Variants in CTU2 observed in about 807,000 individuals in gnomAD.
CTU2 encodes the protein cytoplasmic tRNA 2-thiolation protein 2.
In CTU2, 80 loss-of-function variants were observed where a neutral mutation model predicts 64.1. That is an observed-to-expected ratio of 1.25 (90% CI 1.04 to 1.50). CTU2 has a LOEUF of 1.50. Ranked by LOEUF, CTU2 falls within the 40% of genes most tolerant of loss-of-function variation. The pLI is 0.00. For synonymous variants in CTU2, 482 were observed against 285.3 expected, an observed-to-expected ratio of 1.69 and a Z score of -6.95; for missense variants, 1,110 against 690.2, an observed-to-expected ratio of 1.61 and a Z score of -6.81.
At chr16:88,714,005 G>A (rs1911623040) in intron 9 of CTU2, 131 bp from the exon 10 acceptor site, 2 of 1,080,084 alleles carry the variant, frequency 1.9e-6, no homozygotes, top group African/African-American at 1.6e-5. Context: ...TGGCTGCCTT[G>A]AGCAGTCGCA....
chr16:88,706,925 C>T, intron 1 of CTU2: 1 of 584,380 alleles, frequency 1.7e-6, no homozygotes, highest in Non-Finnish European at 3.0e-6. Flanking sequence ...TATGTGCCCC[C>T]TGAGCCGGCT....
Position 88,715,087 on chromosome 16 carries a change from G to T in CTU2, c.1459G>T (p.Ala487Ser). The T allele has an allele frequency of 6.3e-7, 1 of 1,578,730 alleles. No individual in the cohort carries two copies. Residue 487 changes from alanine to serine, a missense_variant, in exon 14 of 15, where the codon GCC (alanine) becomes TCC (serine). Transcript: ENST00000453996. Reference protein sequence around the residue: ...DPLPPYILAEAQLRTQRAWGL... With the variant: ...DPLPPYILAESQLRTQRAWGL... The stretch of plus-strand genomic sequence containing the variant: ...CCTGCCGCCGTACATCCTGGCTGAG[G>T]CCCAGCTCCGCACACAGAGGTACTG...
At position 88,712,710 on chromosome 16, in the gene CTU2, T is replaced by G. The variant is rs768169966; in HGVS notation, c.542T>G (p.Phe181Cys). 1 of 1,610,060 alleles carries G rather than the reference T, an allele frequency of 6.2e-7. No homozygotes were observed. The highest frequency in any genetic ancestry group is 2.2e-5 in the East Asian group (1 of 44,836). ...EGAYKAAVDS[F>C]LQQQHVLGAG... Reference sequence around the variant, plus strand: ...GCCTACAAGGCGGCCGTGGACAGCTTCCTCCAGCAGCAGCATGTGCTGGGG... The same window carrying G: ...GCCTACAAGGCGGCCGTGGACAGCTGCCTCCAGCAGCAGCATGTGCTGGGG... The change falls in exon 7 of 15, where the codon TTC becomes TGC. Residue 181 changes from phenylalanine to cysteine, a missense_variant. Coordinates refer to ENST00000453996, the MANE Select transcript of CTU2 (RefSeq NM_001012759.3).
At position 88,712,670 on chromosome 16, in the gene CTU2, G is replaced by A. The variant is rs143415935; in HGVS notation, c.502G>A (p.Val168Met). 27 of 1,610,540 alleles carry A rather than the reference G, an allele frequency of 1.7e-5. No homozygotes were observed. In the African/African-American group the frequency reaches 3.5e-4, roughly 21 times the overall value. Residue 168 changes from valine to methionine, a missense_variant, in exon 7 of 15, where the codon GTG (valine) becomes ATG (methionine). Coordinates refer to ENST00000453996, the MANE Select transcript of CTU2 (RefSeq NM_001012759.3). Reference protein sequence around the residue: ...SVLWCSAQELVGSEGAYKAAV... With the variant: ...SVLWCSAQELMGSEGAYKAAV... ...GCTTTGGTGCTCTGCCCAGGAGCTGGTGGGATCCGAGGGGGCCTACAAGGC... is the reference window on the plus strand; with the variant it reads ...GCTTTGGTGCTCTGCCCAGGAGCTGATGGGATCCGAGGGGGCCTACAAGGC...
intron 6 of CTU2, 48 bp downstream of exon 6, chr16:88,712,431 G>A (rs1341415790): frequency 2.0e-6 from 3 of 1,502,816 alleles, no homozygotes; most frequent in East Asian, 4.7e-5. Context: ...ACCCCTGGGG[G>A]GCACCTGCCC....
In CTU2 at chr16:88,706,520, C is replaced by G; in HGVS notation, c.-11C>G. 1 of 1,431,678 alleles carries G rather than the reference C, an allele frequency of 7.0e-7. No individual in the cohort carries two copies. Among genetic ancestry groups the G allele is most frequent in the Non-Finnish European group, 9.1e-7 (1 of 1,099,536 alleles). 88.7% of individuals were successfully genotyped at this position (1,431,678 alleles called of 1,614,324 possible). A position where few individuals can be genotyped will look rare whatever the true frequency, so the allele number is the denominator to read the frequency against. On this transcript the variant is annotated 5_prime_UTR_variant, in exon 1 of 15. Coordinates refer to ENST00000453996, the MANE Select transcript of CTU2 (RefSeq NM_001012759.3). ...TCGCCGCCACAGTCTGCGACGGGACCCGGCGTGCCCATGTGTCAGGTGGGC... is the reference window on the plus strand; with the variant it reads ...TCGCCGCCACAGTCTGCGACGGGACGCGGCGTGCCCATGTGTCAGGTGGGC...
Position 88,714,484 on chromosome 16 carries a change from C to T in CTU2, c.1199C>T (p.Ala400Val), listed in dbSNP as rs1911713547. 1 of 1,612,670 alleles carries T rather than the reference C, an allele frequency of 6.2e-7. No individual in the cohort carries two copies. The highest frequency in any genetic ancestry group is 8.5e-7 in the Non-Finnish European group (1 of 1,179,888). The change falls in exon 11 of 15, where the codon GCT becomes GTT. Residue 400 changes from alanine (A) to valine (V), a missense_variant and splice_region_variant. By Grantham distance (64) the Ala-to-Val change is moderately conservative (BLOSUM62 0). Coordinates refer to ENST00000453996, the MANE Select transcript of CTU2 (RefSeq NM_001012759.3). The part of the protein sequence containing the change: ...LCMCALDVDA[A>V]DSATAFGAQT... Reference sequence around the variant, plus strand: ...ATGTGTGCCCTGGACGTCGACGCCGCTGGTCTGTGTTTCATGCTCTTGGGG... The same window carrying T: ...ATGTGTGCCCTGGACGTCGACGCCGTTGGTCTGTGTTTCATGCTCTTGGGG...
intron 2 of CTU2, among the ~76,000 whole-genome samples, chr16:88,708,660 A>AG (rs796091405): frequency 1.3e-5 from 2 of 152,218 alleles, no homozygotes; most frequent in African/African-American, 4.8e-5. Flanking sequence ...AAGGAACCAC[A>AG]GGGGGGTCAT....
At chr16:88,713,831 A>G (rs1315872540) in intron 9 of CTU2, 53 bp downstream of exon 9, 6 of 1,606,442 alleles carry the variant, frequency 3.7e-6, no homozygotes, top group Non-Finnish European at 5.1e-6. Context: ...GGGGTGGGCC[A>G]TGTGGGCTGG....
intron 1 of CTU2, chr16:88,706,898 G>C (rs2142698503): frequency 5.2e-6 from 3 of 572,962 alleles, no homozygotes; most frequent in East Asian, 5.6e-5. Flanking sequence ...AGCCTTGGGA[G>C]ACTGAAAAGC....
At chr16:88,712,188 AG>A in intron 5 of CTU2, 85 bp from the exon 6 acceptor site, 1 of 1,177,290 alleles carries the variant, frequency 8.5e-7, no homozygotes, top group Non-Finnish European at 1.2e-6. Context: ...GAGGCCTCGA[AG>A]GGTTTTCCCA....
At chr16:88,714,016 G>A in intron 9 of CTU2, 120 bp from the exon 10 acceptor site, 1 of 1,132,584 alleles carries the variant, frequency 8.8e-7, no homozygotes, top group South Asian at 1.3e-5. Flanking sequence ...AGCAGTCGCA[G>A]CAAAGCCAGA....
intron 4 of CTU2, 123 bp downstream of exon 4, chr16:88,710,405 A>T (rs972919607): frequency 9.4e-6 from 9 of 958,704 alleles, no homozygotes; most frequent in African/African-American, 1.6e-5. Flanking sequence ...TGCGGCCTGG[A>T]CACTTGGGGG....
chr16:88,713,446 C>A lies in CTU2; in HGVS notation c.872C>A (p.Thr291Lys). ...LGRGAFLAWDTGFSDERHGDV... is the reference protein window; with the variant it reads ...LGRGAFLAWDKGFSDERHGDV... ...CGAGGGGCCTTCCTGGCCTGGGATA[C>A]GGTAGGCAGGGGCCTGGGTGTTCAG... Residue 291 changes from threonine to lysine, a missense_variant and splice_region_variant, in exon 8 of 15, where the codon ACG (threonine) becomes AAG (lysine). Transcript: ENST00000453996. 2 of 1,576,402 alleles carry A rather than the reference C, an allele frequency of 1.3e-6. No homozygotes were observed. Among genetic ancestry groups the A allele is most frequent in the Non-Finnish European group, 8.6e-7 (1 of 1,167,826 alleles).
In CTU2 at chr16:88,715,353, G is replaced by C. The variant is rs1911901036; in HGVS notation, c.*102G>C. The C allele has an allele frequency of 7.2e-6, 9 of 1,256,388 alleles. No homozygotes were observed. Among genetic ancestry groups the C allele is most frequent in the African/African-American group, 1.5e-5 (1 of 65,946 alleles). The allele number at this position is 1,256,388 out of a possible 1,614,324, so 77.8% of individuals were successfully genotyped here. ...GGGACTGGCCTCTGATTGTCCATTT[G>C]TATAAATAAAACATTTTTTAATTAA... is the stretch of plus-strand genomic sequence containing the variant. On this transcript the variant is annotated 3_prime_UTR_variant, in exon 15 of 15. Transcript: ENST00000453996.
Position 88,713,368 on chromosome 16 carries a change from G to T in CTU2, c.794G>T (p.Gly265Val). The T allele has an allele frequency of 6.2e-7, 1 of 1,603,262 alleles. No homozygotes were observed. Among genetic ancestry groups the T allele is most frequent in the South Asian group, 1.1e-5 (1 of 90,254 alleles). ...RAHGYSKVMT[G>V]DSCTRLAIKL... ...CACGGCTACTCCAAGGTCATGACTG[G>T]GGACAGCTGCACACGCTTGGCTATC... The change falls in exon 8 of 15, where the codon GGG becomes GTG. Residue 265 changes from glycine to valine, a missense_variant. Transcript: ENST00000453996.
intron 5 of CTU2, 185 bp from the exon 6 acceptor site, chr16:88,712,089 G>C (rs751817617): frequency 1.4e-6 from 1 of 710,942 alleles, no homozygotes; most frequent in African/African-American, 1.7e-5. Context: ...TGACTGTAGC[G>C]CTGAGGTCAG....
At chr16:88,714,260 C>T (rs546642809) in intron 10 of CTU2, 33 bp downstream of exon 10, 62 of 1,598,782 alleles carry the variant, frequency 3.9e-5, no homozygotes, top group Admixed American at 1.2e-4. Context: ...GCGGGGGGTG[C>T]GCGGGTGTGT....
At chr16:88,706,699 GGAGAGCGGGACCTCGCTCCC>G (rs1910868483) in intron 1 of CTU2, 101 bp downstream of exon 1, 1 of 879,600 alleles carries the variant, frequency 1.1e-6, no homozygotes, top group Admixed American at 4.0e-5. Context: ...AGCCCCGCGT[GGAGAGCGGGACCTCGCTCCC>G]TAGCACTCGG....
Sources: allele counts gnomAD v4.1 joint callset (sites outside exome capture counted in the v4.1 genomes callset), GRCh38; gene constraint gnomAD v4.1.1; transcripts MANE v1.5; gene names NCBI Gene and HGNC (gene_info 2026-07-23, HGNC 2026-07-21).